The following KMT5B variants were observed in gnomAD, a reference collection of about 807,000 sequenced individuals.
KMT5B encodes lysine methyltransferase 5B, also known as histone-lysine N-methyltransferase KMT5B.
Under a neutral mutation model 83.2 loss-of-function variants are expected in KMT5B, and 10 were observed. The observed-to-expected ratio is 0.12, with a 90% confidence interval of 0.07 to 0.20. The LOEUF is 0.20. Ranked by LOEUF, KMT5B falls within the 10% of genes least tolerant of loss-of-function variation. The pLI is 1.00. For missense variants in KMT5B, 753 were observed against 1,067.2 expected (o/e 0.71, Z 4.10); for synonymous variants, 349 against 388.8 (o/e 0.90, Z 1.20).
intron 9 of KMT5B, 95 bp downstream of exon 9, chr11:68,170,920 G>T: frequency 7.6e-7 from 1 of 1,308,320 alleles, no homozygotes; most frequent in Non-Finnish European, 1.0e-6. Context: ...GACTATCTCT[G>T]CATTTAAACA....
At chr11:68,212,882 C>T (rs1268293179) in intron 1 of KMT5B, 2 of 149,748 alleles carry the variant, frequency 1.3e-5, no homozygotes, top group East Asian at 3.9e-4. Context: ...GGGCCCGGCC[C>T]CGACGCTGCC....
intron 1 of KMT5B, among the ~76,000 whole-genome samples, chr11:68,199,171 A>T (rs1591051044): frequency 6.6e-6 from 1 of 152,272 alleles, no homozygotes; most frequent in East Asian, 1.9e-4. Context: ...TATATTCCAG[A>T]CACTGTTGCA....
intron 1 of KMT5B, among the ~76,000 whole-genome samples, chr11:68,205,928 G>A (rs1009774903): frequency 1.3e-5 from 2 of 152,008 alleles, no homozygotes; most frequent in Admixed American, 6.6e-5. Context: ...CCAGACGTTC[G>A]CAATTCTTAG....
chr11:68,158,392 G>C lies in KMT5B; in HGVS notation c.1954C>G (p.Gln652Glu), dbSNP rs1859455128. Residue 652 changes from glutamine (Q) to glutamate (E), a missense_variant, in exon 11 of 11, where the codon CAG (glutamine) becomes GAG (glutamate). This residue lies in a region of KMT5B where 397 missense variants were observed against 395.9 expected (regional missense o/e 1.00). Transcript: ENST00000304363. ...CCCACAGTGCCACTGTGCTCACCCT[G>C]GTCAGAATGGGGACCCATCAAATCT... The part of the protein sequence containing the change: ...VPDLMGPHSD[Q>E]GEHSGTVGVP... 1 of 1,614,098 alleles carries C rather than the reference G, an allele frequency of 6.2e-7. No homozygotes were observed. The highest frequency in any genetic ancestry group is 8.5e-7 in the Non-Finnish European group (1 of 1,179,982).
chr11:68,184,440 A>T (rs1366682119), intron 3 of KMT5B, among the ~76,000 whole-genome samples: 1 of 152,222 alleles, frequency 6.6e-6, no homozygotes, highest in Non-Finnish European at 1.5e-5. Context: ...CTTCTTTTGG[A>T]TTTAGACTGT....
chr11:68,181,079 T>G lies in KMT5B; in HGVS notation c.309-879A>C, dbSNP rs560972126. On this transcript the variant is annotated intron_variant, in intron 3 of 10. Coordinates refer to ENST00000304363, the MANE Select transcript of KMT5B (RefSeq NM_017635.5). Reference sequence around the variant, plus strand: ...AACATCTACTCTTTCTTTTTTCTTTTTTTTTTTTTTTTGGAGATAGAGTCT... The same window carrying G: ...AACATCTACTCTTTCTTTTTTCTTTGTTTTTTTTTTTTGGAGATAGAGTCT... Among the ~76,000 whole-genome samples, 107 of 135,814 alleles carry G rather than the reference T, an allele frequency of 7.9e-4. 1 individual carries two copies. The highest frequency in any genetic ancestry group is 1.3e-3 in the Non-Finnish European group (81 of 62,500). The allele number at this position is 135,814 out of a possible 152,430, so 89.1% of individuals were successfully genotyped here. A position where few individuals can be genotyped will look rare whatever the true frequency, so the allele number is the denominator to read the frequency against.
At chr11:68,191,173 T>TTGTG (rs71040600) in intron 1 of KMT5B, among the ~76,000 whole-genome samples, 4,632 of 139,218 alleles carry the variant, frequency 0.033, 105 homozygotes, top group Non-Finnish European at 0.043. Flanking sequence ...TTTTAAAACT[T>TTGTG]TGTGTGTGTG....
intron 6 of KMT5B, among the ~76,000 whole-genome samples, chr11:68,173,166 G>C (rs1003042006): frequency 1.3e-5 from 2 of 152,040 alleles, no homozygotes; most frequent in South Asian, 4.2e-4. Flanking sequence ...TCAGCCACCC[G>C]AGTAGCTAGG....
At chr11:68,195,399 G>GT (rs1056304562) in intron 1 of KMT5B, among the ~76,000 whole-genome samples, 6 of 152,148 alleles carry the variant, frequency 3.9e-5, no homozygotes, top group African/African-American at 1.4e-4. Flanking sequence ...CAGGGCTGTT[G>GT]TGAGGATCAC....
In KMT5B at chr11:68,196,540, A is replaced by T. The variant is rs186624574; in HGVS notation, c.-76-6388T>A. On this transcript the variant is annotated intron_variant, in intron 1 of 10. Coordinates refer to ENST00000304363, the MANE Select transcript of KMT5B (RefSeq NM_017635.5). ...GGTTGTATTCTAAACTGCATCATAG[A>T]AACTATATTTCTGCATTAAAAAAAA... Among the ~76,000 whole-genome samples, 23 of 150,412 alleles carry T rather than the reference A, an allele frequency of 1.5e-4. No individual in the cohort carries two copies. In the East Asian group the frequency reaches 4.1e-3, roughly 27 times the overall value.
chr11:68,201,485 G>A (rs1376752441), intron 1 of KMT5B, among the ~76,000 whole-genome samples: 2 of 151,836 alleles, frequency 1.3e-5, no homozygotes, highest in Non-Finnish European at 2.9e-5. Flanking sequence ...AGTGACTTTT[G>A]AGAAATTGTG....
In KMT5B at chr11:68,159,062, C is replaced by G. The variant is rs922710641; in HGVS notation, c.1284G>C (p.Lys428Asn). 39 of 1,612,890 alleles carry G rather than the reference C, an allele frequency of 2.4e-5. No individual in the cohort carries two copies. The highest frequency in any genetic ancestry group is 3.1e-5 in the Non-Finnish European group (37 of 1,179,836). Residue 428 changes from lysine (K) to asparagine (N), a missense_variant, in exon 11 of 11, where the codon AAG (lysine) becomes AAC (asparagine). This residue lies in a region of KMT5B where 397 missense variants were observed against 395.9 expected (regional missense o/e 1.00). Coordinates refer to ENST00000304363, the MANE Select transcript of KMT5B (RefSeq NM_017635.5). The stretch of plus-strand genomic sequence containing the variant: ...CCCTGGAATTATTTATATGAGTTAG[C>G]TTAGATGAGGTAGAGTTGGAAGAAG... ...IPASSNSTSSKLTHINNSRVP... is the reference protein window; with the variant it reads ...IPASSNSTSSNLTHINNSRVP...
At position 68,204,608 on chromosome 11, in the gene KMT5B, C is replaced by T. The variant is rs1330557332; in HGVS notation, c.-77+8530G>A. On this transcript the variant is annotated intron_variant, in intron 1 of 10. Coordinates refer to ENST00000304363, the MANE Select transcript of KMT5B (RefSeq NM_017635.5). ...TCGAAAACCGTGAGAGAATAAATTT[C>T]CGGTTTTTTTTTTTTTTTTTTTTTT... 3.5e-5 allele frequency among the ~76,000 whole-genome samples: 5 copies of T among 141,920 alleles called. No individual in the cohort carries two copies. The East Asian group carries it at 1.1e-3, about 30-fold the overall frequency. 93.1% of individuals were successfully genotyped at this position (141,920 alleles called of 152,430 possible).
chr11:68,168,596 A>C (rs1371705310), intron 9 of KMT5B, among the ~76,000 whole-genome samples: 1 of 152,188 alleles, frequency 6.6e-6, no homozygotes, highest in Admixed American at 6.5e-5. Context: ...TCAGCCTCCC[A>C]AAGTGCTGGG....
chr11:68,183,760 C>G (rs149862077), intron 3 of KMT5B, among the ~76,000 whole-genome samples: 1 of 150,468 alleles, frequency 6.6e-6, no homozygotes, highest in East Asian at 2.0e-4. Flanking sequence ...CCCGGGTTCA[C>G]GTGATTCTCC....
At chr11:68,201,702 AAC>A (rs750754862) in intron 1 of KMT5B, among the ~76,000 whole-genome samples, 14 of 152,284 alleles carry the variant, frequency 9.2e-5, no homozygotes, top group South Asian at 6.2e-4. Flanking sequence ...CTTGTCTGCA[AAC>A]AGTTTATCTT....
intron 3 of KMT5B, among the ~76,000 whole-genome samples, chr11:68,184,883 G>A (rs924042131): frequency 6.6e-6 from 1 of 152,174 alleles, no homozygotes; most frequent in Non-Finnish European, 1.5e-5. Flanking sequence ...GCTGTTAAAA[G>A]ATGACAGATT....
At chr11:68,188,010 G>A (rs529969744) in intron 2 of KMT5B, among the ~76,000 whole-genome samples, 30 of 151,690 alleles carry the variant, frequency 2.0e-4, no homozygotes, top group African/African-American at 6.3e-4. Context: ...CCAAAGTAAT[G>A]GCCATTTTCC....
rs1017835089 is a variant in KMT5B, at chr11:68,185,722, C to T, written c.308+59G>A. ...TTTGAGCAAAAGTAAAATTAGCCATCTATGTTCTTGAATTCAACATAATCA... is the reference window on the plus strand; with the variant it reads ...TTTGAGCAAAAGTAAAATTAGCCATTTATGTTCTTGAATTCAACATAATCA... On this transcript the variant is annotated intron_variant, in intron 3 of 10. Coordinates refer to ENST00000304363, the MANE Select transcript of KMT5B (RefSeq NM_017635.5). 34 of 1,475,396 alleles carry T rather than the reference C, an allele frequency of 2.3e-5. No individual in the cohort carries two copies. The African/African-American group carries it at 4.7e-4, about 20-fold the overall frequency. The allele number at this position is 1,475,396 out of a possible 1,614,324, so 91.4% of individuals were successfully genotyped here.
Sources: gnomAD v4.1 joint callset for allele counts (sites outside exome capture counted in the v4.1 genomes callset) on GRCh38, gnomAD v4.1.1 for gene constraint, gnomAD v4.1.1 regional missense constraint, MANE v1.5 for transcripts, NCBI Gene and HGNC (gene_info 2026-07-23, HGNC 2026-07-21) for gene names.